UBIAD1: variants seen among roughly 807,000 people sequenced by gnomAD.
UBIAD1 encodes ubiA prenyltransferase domain-containing protein 1.
In UBIAD1, 12 loss-of-function variants were observed where a neutral mutation model predicts 20.1. That is an observed-to-expected ratio of 0.60 (90% CI 0.38 to 0.97). UBIAD1 has a LOEUF of 0.97. UBIAD1 is among the 50% of genes least tolerant of loss of function. The pLI, the probability that UBIAD1 is intolerant of heterozygous loss-of-function variation, is 0.00. For synonymous variants in UBIAD1, 207 were observed against 189.2 expected (o/e 1.09, Z -0.77); for missense variants, 333 against 419.5 (o/e 0.79, Z 1.80).
At chr1:11,292,095 C>T (rs910901569), downstream of UBIAD1, 5 of 152,176 alleles carry the variant, frequency 3.3e-5, no homozygotes, top group African/African-American at 1.2e-4. Context: ...CCTCTGCCTC[C>T]AGGGTTCAAG....
At chr1:11,292,665 GTA>G (rs200370196), downstream of UBIAD1, among the ~76,000 whole-genome samples, 9 of 130,760 alleles carry the variant, frequency 6.9e-5, no homozygotes, top group East Asian at 4.5e-4. Flanking sequence ...AAGATTTTAT[GTA>G]TACACACACA....
intron 1 of UBIAD1, among the ~76,000 whole-genome samples, chr1:11,293,778 C>A (rs961182968): frequency 6.6e-6 from 1 of 152,164 alleles, no homozygotes; most frequent in Admixed American, 6.5e-5. Flanking sequence ...TGAGTTCAAG[C>A]GATTCTCCTG....
chr1:11,274,358 G>A (rs1409320595), intron 1 of UBIAD1, among the ~76,000 whole-genome samples: 1 of 152,194 alleles, frequency 6.6e-6, no homozygotes, highest in Non-Finnish European at 1.5e-5. Context: ...GAGTGCAGTG[G>A]TGCGATCTCG....
chr1:11,273,932 T>C lies in UBIAD1; in HGVS notation c.401T>C (p.Phe134Ser). The C allele has an allele frequency of 6.2e-7, 1 of 1,614,236 alleles. No individual in the cohort carries two copies. The highest frequency in any genetic ancestry group is 8.5e-7 in the Non-Finnish European group (1 of 1,180,036). Reference sequence around the variant, plus strand: ...TTGGAGCCGCAGGATGTCGTCCGGTTCGGAGTCTTCCTCTACACGTTGGGC... The same window carrying C: ...TTGGAGCCGCAGGATGTCGTCCGGTCCGGAGTCTTCCTCTACACGTTGGGC... ...RILEPQDVVR[F>S]GVFLYTLGCV... Residue 134 changes from phenylalanine to serine, a missense_variant, in exon 1 of 2, where the codon TTC becomes TCC. Physicochemically the swap from Phe to Ser is radical, Grantham distance 155 (BLOSUM62 -2). Around this residue, in one of 3 missense-constraint regions of UBIAD1, gnomAD observed 226 missense variants for 263.5 expected, o/e 0.86. Coordinates refer to ENST00000376810, the MANE Select transcript of UBIAD1 (RefSeq NM_013319.3). This position sits in a 1 kb window ranked among gnomAD's most constrained non-coding sequence, Gnocchi z 4.9.
chr1:11,293,275 C>T (rs558422590), downstream of UBIAD1, among the ~76,000 whole-genome samples: 1 of 152,282 alleles, frequency 6.6e-6, no homozygotes, highest in East Asian at 1.9e-4. Context: ...TCCCACGGTC[C>T]TGCCATATCC....
chr1:11,286,029 C>T lies in UBIAD1; in HGVS notation c.915C>T (p.Phe305=). The T allele has an allele frequency of 6.2e-7, 1 of 1,614,206 alleles. No individual in the cohort carries two copies. Among genetic ancestry groups the T allele is most frequent in the Non-Finnish European group, 8.5e-7 (1 of 1,180,012 alleles). Residue 305 remains phenylalanine (F), a synonymous_variant, in exon 2 of 2, where the codon TTC becomes TTT. Coordinates refer to ENST00000376810, the MANE Select transcript of UBIAD1 (RefSeq NM_013319.3). The stretch of plus-strand genomic sequence containing the variant: ...AGAGACAGTTTCGAAGCCAGGCCTT[C>T]AACAAACTGCCCCAGAGGACTGCCA... ...SLERQFRSQA[F]NKLPQRTAKL... is the part of the protein sequence containing the mutation.
chr1:11,295,323 C>G (rs944292836), downstream of UBIAD1: 11 of 195,496 alleles, frequency 5.6e-5, no homozygotes, highest in African/African-American at 2.5e-4. Context: ...CTGGAGAAAG[C>G]CCCCCTGTTG....
At chr1:11,299,258 C>T (rs187178040), downstream of UBIAD1, among the ~76,000 whole-genome samples, 12 of 152,338 alleles carry the variant, frequency 7.9e-5, no homozygotes, top group East Asian at 1.9e-3. Context: ...ACGCTGGATC[C>T]GGGCAGCAAC....
downstream of UBIAD1, chr1:11,292,110 TCTC>T (rs767542906): frequency 1.3e-5 from 2 of 152,324 alleles, no homozygotes; most frequent in African/African-American, 2.4e-5. Flanking sequence ...TTCAAGCGAT[TCTC>T]CTGCCTCAGC....
At chr1:11,275,073 A>C (rs1651963931) in intron 1 of UBIAD1, among the ~76,000 whole-genome samples, 1 of 152,220 alleles carries the variant, frequency 6.6e-6, no homozygotes, top group Admixed American at 6.5e-5. Flanking sequence ...TAAGGTAGTG[A>C]TGGGCAGGTG....
intron 1 of UBIAD1, among the ~76,000 whole-genome samples, chr1:11,281,368 C>T (rs1557517840): frequency 6.6e-6 from 1 of 152,104 alleles, no homozygotes; most frequent in African/African-American, 2.4e-5. Flanking sequence ...TTATCTTCCC[C>T]CTTCGACTGC....
At chr1:11,298,855 C>A (rs368385207), downstream of UBIAD1, among the ~76,000 whole-genome samples, 5 of 152,190 alleles carry the variant, frequency 3.3e-5, no homozygotes, top group Non-Finnish European at 5.9e-5. This position sits in a 1 kb window ranked among gnomAD's most constrained non-coding sequence, Gnocchi z 4.0. Flanking sequence ...GCTCAGAGCC[C>A]CTCCTGACGG....
chr1:11,285,497 TG>T lies in UBIAD1; in HGVS notation c.530-143del. 1 of 1,225,910 alleles carries T rather than the reference TG, an allele frequency of 8.2e-7. No homozygotes were observed. Among genetic ancestry groups the T allele is most frequent in the Non-Finnish European group, 1.2e-6 (1 of 862,216 alleles). 75.9% of individuals were successfully genotyped at this position (1,225,910 alleles called of 1,614,324 possible). ...GGAGAAGAAATCAGAATTTGCTCTG[TG>T]GGGTTAAGGGATGAAATGAGTGCCC... On this transcript the variant is annotated intron_variant, in intron 1 of 1. Transcript: ENST00000376810. The surrounding 1 kb of genome is among the most constrained non-coding windows in gnomAD (Gnocchi z 4.4).
chr1:11,279,503 A>T (rs1053127265), intron 1 of UBIAD1, among the ~76,000 whole-genome samples: 1 of 152,164 alleles, frequency 6.6e-6, no homozygotes, highest in South Asian at 2.1e-4. Context: ...GGCTCACTGC[A>T]GCCTCTGCCT....
chr1:11,294,737 C>A, intron 1 of UBIAD1: 1 of 706,190 alleles, frequency 1.4e-6, no homozygotes, highest in South Asian at 1.5e-5. Context: ...AGTTACAAGT[C>A]AAAGTCTGCC....
At chr1:11,282,036 A>G (rs531548735) in intron 1 of UBIAD1, among the ~76,000 whole-genome samples, 47 of 152,164 alleles carry the variant, frequency 3.1e-4, no homozygotes, top group African/African-American at 1.1e-3. Flanking sequence ...TATTTTGGCT[A>G]TTACGTCTGA....
chr1:11,274,982 G>T (rs548969581), intron 1 of UBIAD1, among the ~76,000 whole-genome samples: 1 of 151,958 alleles, frequency 6.6e-6, no homozygotes, highest in Non-Finnish European at 1.5e-5. Context: ...TCAAATATTA[G>T]AATTAAATCT....
At position 11,285,742 on chromosome 1, in the gene UBIAD1, C is replaced by A. The variant is rs1363565184; in HGVS notation, c.628C>A (p.Leu210Met). Residue 210 changes from leucine (L) to methionine (M), a missense_variant, in exon 2 of 2, where the codon CTG (leucine) becomes ATG (methionine). Physicochemically the swap from Leu to Met is conservative, Grantham distance 15. Coordinates refer to ENST00000376810, the MANE Select transcript of UBIAD1 (RefSeq NM_013319.3). This position sits in a 1 kb window ranked among gnomAD's most constrained non-coding sequence, Gnocchi z 4.4. ...MFAYAIQVGS[L>M]AIFPLVYAIP... ...CGCCTACGCCATCCAGGTGGGGTCC[C>A]TGGCCATCTTCCCACTGGTCTATGC... The A allele has an allele frequency of 6.2e-7, 1 of 1,614,192 alleles. No individual in the cohort carries two copies. Among genetic ancestry groups the A allele is most frequent in the East Asian group, 2.2e-5 (1 of 44,878 alleles).
chr1:11,284,310 G>A (rs1652336667), intron 1 of UBIAD1, among the ~76,000 whole-genome samples: 1 of 152,106 alleles, frequency 6.6e-6, no homozygotes, highest in Non-Finnish European at 1.5e-5. Flanking sequence ...AAGTCTGTGT[G>A]AAGAGGGGAG....
Sources: gnomAD v4.1 joint callset for allele counts (sites outside exome capture counted in the v4.1 genomes callset) on GRCh38, gnomAD v4.1.1 for gene constraint, gnomAD v4.1.1 regional missense constraint, Gnocchi (gnomAD v3.1) non-coding constraint, MANE v1.5 for transcripts, NCBI Gene and HGNC (gene_info 2026-07-23, HGNC 2026-07-21) for gene names.